PLA2G12A: variants seen among roughly 807,000 people sequenced by gnomAD.
PLA2G12A encodes the protein phospholipase A2 group XIIA.
Under a neutral mutation model 16.0 loss-of-function variants are expected in PLA2G12A, and 11 were observed. The ratio of observed to expected loss-of-function variants is 0.69; its 90% CI spans 0.43 to 1.13. The LOEUF is 1.13. PLA2G12A is among the 50% of genes most tolerant of loss of function. The pLI is 0.00. For synonymous variants in PLA2G12A, 77 were observed against 93.8 expected, an observed-to-expected ratio of 0.82 and a Z score of 1.03; for missense variants, 214 against 237.3, an observed-to-expected ratio of 0.90 and a Z score of 0.65.
rs932852145 is a variant in PLA2G12A at position 109,710,865 on chromosome 4, A to G, written c.*3512T>C. 6.6e-6 allele frequency: 1 copy of G among 152,162 alleles called. No homozygotes were observed. The highest frequency in any genetic ancestry group is 1.5e-5 in the Non-Finnish European group (1 of 68,036). The allele number at this position is 152,162 out of a possible 1,614,324, so 9.4% of individuals were successfully genotyped here. A position where few individuals can be genotyped will look rare whatever the true frequency, so the allele number is the denominator to read the frequency against. On this transcript the variant is annotated 3_prime_UTR_variant, in exon 4 of 4. Coordinates refer to ENST00000243501, the MANE Select transcript of PLA2G12A (RefSeq NM_030821.5). ...GCGTTTAATTAGCTTTTGCCCTTAT[A>G]TCTCAATTCTGTCTTCATTACAGCT...
chr4:109,726,077 C>G (rs1317007965), intron 1 of PLA2G12A, among the ~76,000 whole-genome samples: 1 of 152,184 alleles, frequency 6.6e-6, no homozygotes, highest in Non-Finnish European at 1.5e-5. Context: ...CATCCACCCA[C>G]TTAACCAGCA....
At chr4:109,718,389 T>G (rs1730864537) in intron 2 of PLA2G12A, among the ~76,000 whole-genome samples, 1 of 152,218 alleles carries the variant, frequency 6.6e-6, no homozygotes, top group African/African-American at 2.4e-5. Flanking sequence ...ACATGATTTA[T>G]CTATACTTTT....
At chr4:109,715,049 A>C (rs533109477) in intron 3 of PLA2G12A, among the ~76,000 whole-genome samples, 4 of 152,192 alleles carry the variant, frequency 2.6e-5, no homozygotes, top group Admixed American at 2.6e-4. Context: ...GGACTCAGGC[A>C]GTCCTCCTGA....
rs560851324 is a variant in PLA2G12A at position 109,714,586 on chromosome 4, C to T, written c.452-91G>A. 1.7e-4 allele frequency: 135 copies of T among 807,966 alleles called. No homozygotes were observed. The South Asian group carries it at 1.9e-3, about 11-fold the overall frequency. The allele number at this position is 807,966 out of a possible 1,614,324, so 50.0% of individuals were successfully genotyped here. ...TTACAGCACAGCAACAAGCATATCC[C>T]TCGTGAGCACTGAAATGTATGCTAG... On this transcript the variant is annotated intron_variant, in intron 3 of 3. Transcript: ENST00000243501.
In PLA2G12A at chr4:109,713,173, G is replaced by A. The variant is rs1180935377; in HGVS notation, c.*1204C>T. Reference sequence around the variant, plus strand: ...CACCCAAAGGATATATATGGCTTGAGGTCCCAGGCTAGGGAAAGGTTAACA... The same window carrying A: ...CACCCAAAGGATATATATGGCTTGAAGTCCCAGGCTAGGGAAAGGTTAACA... On this transcript the variant is annotated 3_prime_UTR_variant, in exon 4 of 4. Coordinates refer to ENST00000243501, the MANE Select transcript of PLA2G12A (RefSeq NM_030821.5). The A allele has an allele frequency of 6.6e-6, 1 of 152,198 alleles. No homozygotes were observed. Among genetic ancestry groups the A allele is most frequent in the African/African-American group, 2.4e-5 (1 of 41,450 alleles). The allele number at this position is 152,198 out of a possible 1,614,324, so 9.4% of individuals were successfully genotyped here. A position where few individuals can be genotyped will look rare whatever the true frequency, so the allele number is the denominator to read the frequency against.
At chr4:109,725,120 C>T (rs1379464747) in intron 1 of PLA2G12A, among the ~76,000 whole-genome samples, 1 of 152,008 alleles carries the variant, frequency 6.6e-6, no homozygotes, top group Non-Finnish European at 1.5e-5. Flanking sequence ...GTCTTGCTCA[C>T]CTAGAAGATA....
chr4:109,715,284 T>A (rs1730808851), intron 3 of PLA2G12A, among the ~76,000 whole-genome samples: 1 of 152,208 alleles, frequency 6.6e-6, no homozygotes, highest in African/African-American at 2.4e-5. Context: ...GTTTAAAAAT[T>A]GAAATCTCAA....
Position 109,710,696 on chromosome 4 carries a change from CTT to C in PLA2G12A, c.*3679_*3680del, listed in dbSNP as rs1201018414. The C allele has an allele frequency of 6.6e-6, 1 of 152,274 alleles. No individual in the cohort carries two copies. The highest frequency in any genetic ancestry group is 1.5e-5 in the Non-Finnish European group (1 of 68,080). The allele number at this position is 152,274 out of a possible 1,614,324, so 9.4% of individuals were successfully genotyped here. A position where few individuals can be genotyped will look rare whatever the true frequency, so the allele number is the denominator to read the frequency against. On this transcript the variant is annotated 3_prime_UTR_variant, in exon 4 of 4. Coordinates refer to ENST00000243501, the MANE Select transcript of PLA2G12A (RefSeq NM_030821.5). ...GGCCAAGCTGGTCTCGAACTTCTGA[CTT>C]TGAGTGATCTGTCCGCCTTGGCCTC...
rs116121278 is a variant in PLA2G12A at position 109,710,951 on chromosome 4, T to G, written c.*3426A>C. The stretch of plus-strand genomic sequence containing the variant: ...GCCATATCTGTCCCTGGAAGAACTA[T>G]GTCAAAAGATTTTAAAGAGACAGGC... On this transcript the variant is annotated 3_prime_UTR_variant, in exon 4 of 4. Transcript: ENST00000243501. 6.6e-6 allele frequency: 1 copy of G among 152,066 alleles called. No homozygotes were observed. Among genetic ancestry groups the G allele is most frequent in the Non-Finnish European group, 1.5e-5 (1 of 68,036 alleles). 9.4% of individuals were successfully genotyped at this position (152,066 alleles called of 1,614,324 possible). A position where few individuals can be genotyped will look rare whatever the true frequency, so the allele number is the denominator to read the frequency against.
chr4:109,725,728 A>AT (rs1302361541), intron 1 of PLA2G12A, among the ~76,000 whole-genome samples: 2 of 152,270 alleles, frequency 1.3e-5, no homozygotes, highest in Admixed American at 6.5e-5. Flanking sequence ...TTTTCCATGT[A>AT]TTTTTTCTAA....
intron 3 of PLA2G12A, among the ~76,000 whole-genome samples, chr4:109,715,325 G>A (rs1730810721): frequency 6.6e-6 from 1 of 152,144 alleles, no homozygotes; most frequent in Admixed American, 6.5e-5. Context: ...GGCTTCTGAG[G>A]ACTGATCATA....
At position 109,714,165 on chromosome 4, in the gene PLA2G12A, G is replaced by A; in HGVS notation, c.*212C>T. ...GCATACTAAGTAAGGGAGCAATGCT[G>A]GGGAAGATACCTGAGAAGACAAGCG... On this transcript the variant is annotated 3_prime_UTR_variant, in exon 4 of 4. Coordinates refer to ENST00000243501, the MANE Select transcript of PLA2G12A (RefSeq NM_030821.5). 1.8e-6 allele frequency: 1 copy of A among 548,980 alleles called. No homozygotes were observed. The highest frequency in any genetic ancestry group is 3.3e-6 in the Non-Finnish European group (1 of 305,556). The allele number at this position is 548,980 out of a possible 1,614,324, so 34.0% of individuals were successfully genotyped here.
At position 109,711,094 on chromosome 4, in the gene PLA2G12A, A is replaced by ATTTTTTT. The variant is rs1730720545; in HGVS notation, c.*3282_*3283insAAAAAAA. ...TTTTTTTTGCTCTTTTAATGAGTTT[A>ATTTTTTT]TTCTGTCAATAGGGAAAATATCAAC... On this transcript the variant is annotated 3_prime_UTR_variant, in exon 4 of 4. Coordinates refer to ENST00000243501, the MANE Select transcript of PLA2G12A (RefSeq NM_030821.5). 1 of 24,954 alleles carries ATTTTTTT rather than the reference A, an allele frequency of 4.0e-5. No individual in the cohort carries two copies. The highest frequency in any genetic ancestry group is 7.9e-5 in the Non-Finnish European group (1 of 12,718). The allele number at this position is 24,954 out of a possible 1,614,324, so 1.5% of individuals were successfully genotyped here. A position where few individuals can be genotyped will look rare whatever the true frequency, so the allele number is the denominator to read the frequency against.
In PLA2G12A at chr4:109,729,798, G is replaced by C; in HGVS notation, c.12C>G (p.Leu4=). 1.3e-6 allele frequency: 2 copies of C among 1,549,746 alleles called. No individual in the cohort carries two copies. Among genetic ancestry groups the C allele is most frequent in the Non-Finnish European group, 1.7e-6 (2 of 1,147,598 alleles). The change falls in exon 1 of 4, where the codon CTC becomes CTG. Residue 4 remains leucine, a synonymous_variant. Coordinates refer to ENST00000243501, the MANE Select transcript of PLA2G12A (RefSeq NM_030821.5). The part of the protein sequence containing the change: MAL[L]SRPALTLLLL... ...GCAGGAGGGTGAGCGCGGGGCGCGA[G>C]AGCAGGGCCATGCGCGCAGCGCCGG...
In PLA2G12A at chr4:109,711,053, C is replaced by CTTTTTTTTTTTT. The variant is rs67674001; in HGVS notation, c.*3312_*3323dup. On this transcript the variant is annotated 3_prime_UTR_variant, in exon 4 of 4. Transcript: ENST00000243501. Reference sequence around the variant, plus strand: ...AGAGCTGCTGACAGTTAGTTCTTGCCTTTTTTTTTTTTTTTTTTTTTTTGC... The same window carrying CTTTTTTTTTTTT: ...AGAGCTGCTGACAGTTAGTTCTTGCCTTTTTTTTTTTTTTTTTTTTTTTTTTTTTTTTTTTGC... 5.1e-3 allele frequency: 294 copies of CTTTTTTTTTTTT among 57,220 alleles called. No individual in the cohort carries two copies. The highest frequency in any genetic ancestry group is 0.018 in the Middle Eastern group (1 of 56). The allele number at this position is 57,220 out of a possible 1,614,324, so 3.5% of individuals were successfully genotyped here. A position where few individuals can be genotyped will look rare whatever the true frequency, so the allele number is the denominator to read the frequency against.
intron 1 of PLA2G12A, among the ~76,000 whole-genome samples, chr4:109,720,630 T>A (rs1353988410): frequency 2.6e-5 from 3 of 117,014 alleles, no homozygotes; most frequent in Admixed American, 1.8e-4. Context: ...TATATATATA[T>A]ATATATATAT....
chr4:109,710,843 TTTAA>T lies in PLA2G12A; in HGVS notation c.*3530_*3533del, dbSNP rs1299735350. 1 of 152,176 alleles carries T rather than the reference TTTAA, an allele frequency of 6.6e-6. No individual in the cohort carries two copies. Among genetic ancestry groups the T allele is most frequent in the African/African-American group, 2.4e-5 (1 of 41,436 alleles). 9.4% of individuals were successfully genotyped at this position (152,176 alleles called of 1,614,324 possible). ...AAGAAAGGCTACCTGTGAGGATGCG[TTTAA>T]TTAGCTTTTGCCCTTATATCTCAAT... On this transcript the variant is annotated 3_prime_UTR_variant, in exon 4 of 4. Transcript: ENST00000243501.
Position 109,714,066 on chromosome 4 carries a change from T to C in PLA2G12A, c.*311A>G, listed in dbSNP as rs1279469847. The C allele has an allele frequency of 4.3e-6, 1 of 230,502 alleles. No individual in the cohort carries two copies. Among genetic ancestry groups the C allele is most frequent in the South Asian group, 1.3e-4 (1 of 7,410 alleles). 14.3% of individuals were successfully genotyped at this position (230,502 alleles called of 1,614,324 possible). On this transcript the variant is annotated 3_prime_UTR_variant, in exon 4 of 4. Coordinates refer to ENST00000243501, the MANE Select transcript of PLA2G12A (RefSeq NM_030821.5). The stretch of plus-strand genomic sequence containing the variant: ...TTTTTGGTAAATGTGGTTGTGAAAA[T>C]TGAGTTATATATTCCTCTTTTCAAA...
In PLA2G12A at chr4:109,710,406, T is replaced by A. The variant is rs913188015; in HGVS notation, c.*3971A>T. On this transcript the variant is annotated 3_prime_UTR_variant, in exon 4 of 4. Transcript: ENST00000243501. Reference sequence around the variant, plus strand: ...ACCTTCTGATAATCTCATACTTCTATAAATACTAAGATAAATAATCACTCT... The same window carrying A: ...ACCTTCTGATAATCTCATACTTCTAAAAATACTAAGATAAATAATCACTCT... 3.3e-5 allele frequency: 5 copies of A among 152,256 alleles called. No homozygotes were observed. Among genetic ancestry groups the A allele is most frequent in the Admixed American group, 2.0e-4 (3 of 15,278 alleles). 9.4% of individuals were successfully genotyped at this position (152,256 alleles called of 1,614,324 possible). A position where few individuals can be genotyped will look rare whatever the true frequency, so the allele number is the denominator to read the frequency against.
Sources: gnomAD v4.1 joint callset for allele counts (sites outside exome capture counted in the v4.1 genomes callset) on GRCh38, gnomAD v4.1.1 for gene constraint, MANE v1.5 for transcripts, NCBI Gene and HGNC (gene_info 2026-07-23, HGNC 2026-07-21) for gene names.